Variants in CAST observed in about 807,000 individuals in gnomAD.
CAST encodes MIR583 host.
A neutral mutation model predicts 119.6 loss-of-function variants in CAST; 76 were observed. That is an observed-to-expected ratio of 0.64 (90% CI 0.53 to 0.77). The LOEUF is 0.77. CAST is among the 30% of genes least tolerant of loss of function. The probability of loss-of-function intolerance (pLI) is 0.00; values close to 1 mark genes in which losing one functional copy is unlikely to be tolerated. For synonymous variants in CAST, 319 were observed against 331.6 expected, an observed-to-expected ratio of 0.96 and a Z score of 0.41; for missense variants, 953 against 946.5, an observed-to-expected ratio of 1.01 and a Z score of -0.09.
chr5:96,188,730 A>G, the CAST span, among the ~76,000 whole-genome samples: 3 of 152,102 alleles, frequency 2.0e-5, no homozygotes, highest in South Asian at 6.2e-4. Flanking sequence ...TTTAAAGCCA[A>G]TGAAATTTGT....
chr5:96,543,613 C>T (rs377543911), intron 1 of CAST, among the ~76,000 whole-genome samples: 11 of 152,038 alleles, frequency 7.2e-5, no homozygotes, highest in Non-Finnish European at 1.5e-4. Context: ...TCCAACTAAT[C>T]GATGGTTTTT....
chr5:96,509,884 G>T, the CAST span, among the ~76,000 whole-genome samples: 12 of 152,166 alleles, frequency 7.9e-5, no homozygotes, highest in African/African-American at 2.9e-4. Flanking sequence ...CCAGAACAAA[G>T]AGATGCTAAC....
At chr5:96,189,475 T>C in the CAST span, among the ~76,000 whole-genome samples, 1 of 152,224 alleles carries the variant, frequency 6.6e-6, no homozygotes, top group Admixed American at 6.5e-5. Context: ...TTTAAATTCA[T>C]CCTGCTGAGC....
At chr5:96,298,877 A>AGTGTGTGT in the CAST span, among the ~76,000 whole-genome samples, 2 of 32,974 alleles carry the variant, frequency 6.1e-5, no homozygotes, top group Non-Finnish European at 1.5e-4. Flanking sequence ...CTAAATTAGG[A>AGTGTGTGT]GAGTGTGTGT....
upstream of CAST, among the ~76,000 whole-genome samples, chr5:96,659,398 T>A (rs1411681011): frequency 6.6e-6 from 1 of 152,226 alleles, no homozygotes; most frequent in Non-Finnish European, 1.5e-5. Flanking sequence ...CTCTTCTAAT[T>A]GTAAAGTCCT....
At chr5:96,399,345 G>GC in the CAST span, among the ~76,000 whole-genome samples, 29 of 152,272 alleles carry the variant, frequency 1.9e-4, no homozygotes, top group African/African-American at 7.0e-4. Flanking sequence ...CTGAAGGCAT[G>GC]CCCCAAGCCT....
At chr5:96,178,118 T>C in the CAST span, among the ~76,000 whole-genome samples, 1 of 152,300 alleles carries the variant, frequency 6.6e-6, no homozygotes, top group South Asian at 2.1e-4. Flanking sequence ...GAAACATTTG[T>C]CCAAAAGATG....
chr5:96,297,136 C>A, the CAST span, among the ~76,000 whole-genome samples: 1 of 152,126 alleles, frequency 6.6e-6, no homozygotes, highest in Admixed American at 6.5e-5. Context: ...ATTTAGACAG[C>A]TTTCTGTTCC....
chr5:96,579,305 G>T (rs933131462), intron 1 of CAST, among the ~76,000 whole-genome samples: 7 of 152,158 alleles, frequency 4.6e-5, no homozygotes, highest in Non-Finnish European at 8.8e-5. Flanking sequence ...GCTTCCAGAG[G>T]CCTGGCCAAT....
chr5:96,412,735 G>A, the CAST span, among the ~76,000 whole-genome samples: 1 of 129,708 alleles, frequency 7.7e-6, no homozygotes, highest in Non-Finnish European at 1.5e-5. Context: ...ACCATGCACT[G>A]TGTAGGCAGC....
At chr5:96,177,073 T>C in the CAST span, among the ~76,000 whole-genome samples, 1 of 152,192 alleles carries the variant, frequency 6.6e-6, no homozygotes, top group East Asian at 1.9e-4. Context: ...AGTTTAGTTT[T>C]GTGATTGAGC....
intron 3 of CAST, among the ~76,000 whole-genome samples, chr5:96,710,993 G>T (rs1051178944): frequency 1.3e-5 from 2 of 152,088 alleles, no homozygotes; most frequent in Non-Finnish European, 2.9e-5. Flanking sequence ...GCAGTATTGT[G>T]TGCTGAATTA....
chr5:96,063,728 A>C, the CAST span, among the ~76,000 whole-genome samples: 4,071 of 152,240 alleles, frequency 0.027, 96 homozygotes, highest in Admixed American at 0.076. Context: ...CAGTTTATTT[A>C]ATCATTTCAA....
chr5:96,465,911 C>T, the CAST span, among the ~76,000 whole-genome samples: 1 of 152,058 alleles, frequency 6.6e-6, no homozygotes, highest in African/African-American at 2.4e-5. Flanking sequence ...ATTTCTATAT[C>T]TATTCATCTG....
chr5:96,206,255 T>A, the CAST span, among the ~76,000 whole-genome samples: 2 of 152,054 alleles, frequency 1.3e-5, no homozygotes, highest in Non-Finnish European at 2.9e-5. Context: ...GTGTGAGTTG[T>A]CTATTTACTC....
chr5:96,058,892 C>T, the CAST span, among the ~76,000 whole-genome samples: 1 of 152,046 alleles, frequency 6.6e-6, no homozygotes, highest in African/African-American at 2.4e-5. Flanking sequence ...TGCTGAAAAC[C>T]ACACCCAGGA....
At chr5:96,406,669 T>C in the CAST span, among the ~76,000 whole-genome samples, 1 of 152,244 alleles carries the variant, frequency 6.6e-6, no homozygotes, top group African/African-American at 2.4e-5. Flanking sequence ...TTTCCAGTCA[T>C]GGCAAAGGCC....
chr5:96,429,119 A>C, the CAST span: 4 of 733,234 alleles, frequency 5.5e-6, 1 homozygote, highest in South Asian at 4.7e-5. Flanking sequence ...TAAAAAAAAA[A>C]CCACATTTGC....
At chr5:96,467,950 C>T in the CAST span, among the ~76,000 whole-genome samples, 1 of 152,070 alleles carries the variant, frequency 6.6e-6, no homozygotes, top group African/African-American at 2.4e-5. Flanking sequence ...TTTATTGTAG[C>T]ACAATTCACA....
Sources: gnomAD v4.1 joint callset for allele counts (sites outside exome capture counted in the v4.1 genomes callset) on GRCh38, gnomAD v4.1.1 for gene constraint, MANE v1.5 for transcripts, NCBI Gene and HGNC (gene_info 2026-07-23, HGNC 2026-07-21) for gene names.